Variants in TEKTIP1 observed in about 807,000 individuals in gnomAD.
TEKTIP1 encodes tektin bundle interacting protein 1, also known as tektin bundle-interacting protein 1.
chr19:3,542,458 A>AAAAC, the TEKTIP1 span: 1 of 985,260 alleles, frequency 1.0e-6, no homozygotes, highest in Non-Finnish European at 1.2e-6. Flanking sequence ...GTCAAAGCAT[A>AAAAC]AAACATCTTT....
At chr19:3,543,643 G>A in the TEKTIP1 span, 142 of 1,543,760 alleles carry the variant, frequency 9.2e-5, no homozygotes, top group Admixed American at 3.9e-4. Flanking sequence ...GGGGGAGCGC[G>A]CTGTGGAAAG....
chr19:3,540,098 T>TC, the TEKTIP1 span: 3 of 145,530 alleles, frequency 2.1e-5, no homozygotes, highest in Non-Finnish European at 4.5e-5. Context: ...TCTTTTTTTT[T>TC]TTTTTTTTTT....
At chr19:3,540,480 T>A in the TEKTIP1 span, among the ~76,000 whole-genome samples, 542 of 150,934 alleles carry the variant, frequency 3.6e-3, no homozygotes, top group South Asian at 6.8e-3. Context: ...ATGGTCTCGA[T>A]CTCCTGACCT....
chr19:3,542,537 G>T, the TEKTIP1 span: 1 of 887,238 alleles, frequency 1.1e-6, no homozygotes, highest in East Asian at 1.2e-4. Flanking sequence ...GCAAGGGCAC[G>T]ATCTCAGCTT....
the TEKTIP1 span, chr19:3,542,899 G>A: frequency 3.5e-6 from 5 of 1,418,768 alleles, no homozygotes; most frequent in African/African-American, 2.9e-5. Context: ...GGGTCTTGGA[G>A]GCTGGACAAG....
chr19:3,539,506 A>AT, the TEKTIP1 span: 1 of 513,486 alleles, frequency 1.9e-6, no homozygotes, highest in Non-Finnish European at 3.5e-6. Context: ...AAGGACTGCA[A>AT]ACGCACTGGG....
At chr19:3,540,280 C>T in the TEKTIP1 span, among the ~76,000 whole-genome samples, 4 of 148,048 alleles carry the variant, frequency 2.7e-5, no homozygotes, top group African/African-American at 5.1e-5. Flanking sequence ...TTTTTTTGGA[C>T]GGAGTCTCAC....
the TEKTIP1 span, chr19:3,543,480 GCCCCCC>G: frequency 3.3e-5 from 44 of 1,338,726 alleles, 1 homozygote; most frequent in Non-Finnish European, 4.1e-5. Context: ...TCGGGTGAGT[GCCCCCC>G]CCCCCGCCCT....
chr19:3,542,682 C>A, the TEKTIP1 span: 2 of 1,207,526 alleles, frequency 1.7e-6, no homozygotes, highest in Non-Finnish European at 2.1e-6. Flanking sequence ...GGGGTTTTAC[C>A]ATGCTGGCCA....
chr19:3,543,160 C>T, the TEKTIP1 span: 1 of 1,517,192 alleles, frequency 6.6e-7, no homozygotes, highest in Non-Finnish European at 8.8e-7. Context: ...ATCATCCACC[C>T]TGGCAGACAT....
the TEKTIP1 span, chr19:3,543,319 G>A: frequency 1.9e-6 from 3 of 1,549,354 alleles, no homozygotes; most frequent in East Asian, 2.4e-5. Flanking sequence ...CCATGGGACG[G>A]GACGCAGCCG....
the TEKTIP1 span, chr19:3,543,411 T>A: frequency 6.5e-7 from 1 of 1,547,556 alleles, no homozygotes; most frequent in South Asian, 1.2e-5. Flanking sequence ...GCCAGCCCCT[T>A]CCGCGAGGCC....
the TEKTIP1 span, chr19:3,543,379 G>A: frequency 6.5e-7 from 1 of 1,549,198 alleles, no homozygotes; most frequent in Non-Finnish European, 8.7e-7. Context: ...GGGAAGCCTG[G>A]TACAACCTGC....
At chr19:3,539,896 A>G in the TEKTIP1 span, 1 of 152,262 alleles carries the variant, frequency 6.6e-6, no homozygotes, top group Non-Finnish European at 1.5e-5. Flanking sequence ...ATTATGGAAT[A>G]CTATGCAGCC....
the TEKTIP1 span, among the ~76,000 whole-genome samples, chr19:3,540,478 G>A: frequency 3.1e-3 from 476 of 151,350 alleles, no homozygotes; most frequent in Middle Eastern, 0.01. Flanking sequence ...GGATGGTCTC[G>A]ATCTCCTGAC....
the TEKTIP1 span, chr19:3,539,302 T>TC: frequency 9.0e-6 from 7 of 777,720 alleles, no homozygotes; most frequent in Non-Finnish European, 1.2e-5. Flanking sequence ...AGCCCCTCCC[T>TC]CCCTCCCTCC....
the TEKTIP1 span, among the ~76,000 whole-genome samples, chr19:3,541,396 C>G: frequency 6.6e-6 from 1 of 151,476 alleles, no homozygotes; most frequent in East Asian, 2.0e-4. Flanking sequence ...GATCTCAGCT[C>G]ACTGCAACCT....
chr19:3,543,990 C>T, the TEKTIP1 span: 6 of 1,544,610 alleles, frequency 3.9e-6, no homozygotes, highest in Admixed American at 4.0e-5. Context: ...CCCGCCTTCC[C>T]TCACACCCAC....
At chr19:3,543,385 C>G in the TEKTIP1 span, 1 of 1,549,338 alleles carries the variant, frequency 6.5e-7, no homozygotes. Context: ...CCTGGTACAA[C>G]CTGCCACGGG....
Sources: allele counts gnomAD v4.1 joint callset (sites outside exome capture counted in the v4.1 genomes callset), GRCh38; gene constraint gnomAD v4.1.1; transcripts MANE v1.5; gene names NCBI Gene and HGNC (gene_info 2026-07-23, HGNC 2026-07-21).